The following SACS variants were observed in gnomAD, a reference collection of about 807,000 sequenced individuals.
SACS encodes the protein sacsin molecular chaperone.
In SACS, 197 loss-of-function variants were observed where a neutral mutation model predicts 348.0. That is an observed-to-expected ratio of 0.57 (90% CI 0.50 to 0.64). The LOEUF is 0.64. Among genes scored for constraint, SACS ranks in the 30% least tolerant of loss-of-function variants. The pLI is 0.00. For missense variants in SACS, 4,999 were observed against 5,360.8 expected (o/e 0.93, Z 2.11); for synonymous variants, 1,985 against 1,910.6 (o/e 1.04, Z -1.02).
rs1455719282 is a variant in SACS, at chr13:23,331,460, A to C, written c.12416T>G (p.Leu4139Ter). ...IYRIGEKLDSLGVKYDSSEPS... is the reference protein window; with the variant it reads ...IYRIGEKLDS ...CTCCGAAGAGTCATATTTCACTCCT[A>C]AACTGTCAAGTTTCTCACCAATCCT... Residue 4139 changes from leucine (L) to a stop codon, truncating the protein, a stop_gained, in exon 10 of 10, where the codon TTA becomes TGA. Transcript: ENST00000382292. LOFTEE classifies it high-confidence loss of function. 2.5e-6 allele frequency: 4 copies of C among 1,614,084 alleles called. No individual in the cohort carries two copies. Among genetic ancestry groups the C allele is most frequent in the East Asian group, 2.2e-5 (1 of 44,882 alleles).
intron 1 of SACS, chr13:23,428,617 A>T (rs1874292624): frequency 6.6e-6 from 1 of 152,238 alleles, no homozygotes; most frequent in African/African-American, 2.4e-5. Context: ...GTGAAGGTAA[A>T]GGAGAGTGCT....
intron 2 of SACS, among the ~76,000 whole-genome samples, chr13:23,389,558 C>G (rs1201934672): frequency 1.3e-5 from 2 of 152,158 alleles, no homozygotes; most frequent in African/African-American, 4.8e-5. Context: ...TACATGTGCT[C>G]TACTTGCCAA....
At chr13:23,415,053 ATGGAGTCTCGCTCTGTTGCCTAGGC>A (rs1873644318) in intron 1 of SACS, among the ~76,000 whole-genome samples, 1 of 151,890 alleles carries the variant, frequency 6.6e-6, no homozygotes, top group African/African-American at 2.4e-5. Flanking sequence ...ATTTTTTGAG[ATGGAGTCTCGCTCTGTTGCCTAGGC>A]TGGAGTGCAG....
In SACS at chr13:23,333,145, T is replaced by C. The variant is rs759287298; in HGVS notation, c.10731A>G (p.Thr3577=). The C allele has an allele frequency of 9.9e-6, 16 of 1,612,428 alleles. No homozygotes were observed. The highest frequency in any genetic ancestry group is 8.4e-5 in the Admixed American group (5 of 59,778). The change falls in exon 10 of 10, where the codon ACA becomes ACG. Residue 3577 remains threonine (T), a synonymous_variant. Transcript: ENST00000382292. ...EQLIKPKNHV[T]FMTSWVEFLR... Reference sequence around the variant, plus strand: ...AGAATTCCACCCAGGATGTCATAAATGTAACATGATTTTTGGGTTTTATAA... The same window carrying C: ...AGAATTCCACCCAGGATGTCATAAACGTAACATGATTTTTGGGTTTTATAA...
At chr13:23,419,527 C>A (rs1381460401) in intron 1 of SACS, among the ~76,000 whole-genome samples, 2 of 151,946 alleles carry the variant, frequency 1.3e-5, no homozygotes, top group Admixed American at 1.3e-4. Context: ...GGAAACCGGG[C>A]GTGTTATGTC....
At chr13:23,413,539 C>A (rs76241892) in intron 1 of SACS, among the ~76,000 whole-genome samples, 45 of 152,010 alleles carry the variant, frequency 3.0e-4, no homozygotes, top group Non-Finnish European at 3.7e-4. Context: ...TCTTATTCTG[C>A]GTTTGCTATG....
rs1883600450 is a variant in SACS, at chr13:23,333,116, C to T, written c.10760G>A (p.Arg3587Lys). Residue 3587 changes from arginine to lysine, a missense_variant, in exon 10 of 10, where the codon AGA becomes AAA. Coordinates refer to ENST00000382292, the MANE Select transcript of SACS (RefSeq NM_014363.6). The stretch of plus-strand genomic sequence containing the variant: ...AAGTATGTATTTTAGTCCAATATTT[C>T]TTAAGAATTCCACCCAGGATGTCAT... ...TFMTSWVEFLRNIGLKYILSQ... is the reference protein window; with the variant it reads ...TFMTSWVEFLKNIGLKYILSQ... 1 of 1,613,664 alleles carries T rather than the reference C, an allele frequency of 6.2e-7. No individual in the cohort carries two copies.
At chr13:23,391,652 C>T (rs1872530226) in intron 2 of SACS, among the ~76,000 whole-genome samples, 1 of 152,194 alleles carries the variant, frequency 6.6e-6, no homozygotes, top group African/African-American at 2.4e-5. Context: ...TACTACTTTC[C>T]CCAAGTTCCA....
In SACS at chr13:23,333,435, G is replaced by C. The variant is rs773619084; in HGVS notation, c.10441C>G (p.Leu3481Val). ...GAGAGATTTTCAATTTTTGGTAAGA[G>C]GTGTTTCAAATATACCTCAAGATCA... is the stretch of plus-strand genomic sequence containing the variant. ...VDDLEVYLKHLLPKIENLSYD... is the reference protein window; with the variant it reads ...VDDLEVYLKHVLPKIENLSYD... Residue 3481 changes from leucine to valine, a missense_variant, in exon 10 of 10, where the codon CTC (leucine) becomes GTC (valine). This residue lies in a region of SACS where 734 missense variants were observed against 694.0 expected (regional missense o/e 1.06). Transcript: ENST00000382292. 3 of 1,611,270 alleles carry C rather than the reference G, an allele frequency of 1.9e-6. No homozygotes were observed. Among genetic ancestry groups the C allele is most frequent in the Non-Finnish European group, 2.5e-6 (3 of 1,178,726 alleles).
rs200305087 is a variant in SACS at position 23,331,291 on chromosome 13, T to C, written c.12585A>G (p.Gly4195=). 1.2e-6 allele frequency: 2 copies of C among 1,613,980 alleles called. No homozygotes were observed. Among genetic ancestry groups the C allele is most frequent in the East Asian group, 2.2e-5 (1 of 44,878 alleles). ...LVDAEGGDIY[G]SYQPTYTYAI... ...CATATGTGTATGTTGGCTGGTATGA[T>C]CCATAGATATCACCACCTTCAGCAT... is the stretch of plus-strand genomic sequence containing the variant. Residue 4195 remains glycine (G), a synonymous_variant, in exon 10 of 10, where the codon GGA becomes GGG. Coordinates refer to ENST00000382292, the MANE Select transcript of SACS (RefSeq NM_014363.6).
At chr13:23,424,974 C>T (rs538840096) in intron 1 of SACS, among the ~76,000 whole-genome samples, 5 of 152,310 alleles carry the variant, frequency 3.3e-5, no homozygotes, top group African/African-American at 4.8e-5. Flanking sequence ...TTGGGATGTG[C>T]TTTATTATAT....
chr13:23,387,193 C>T (rs1872324107), intron 2 of SACS, among the ~76,000 whole-genome samples: 1 of 152,034 alleles, frequency 6.6e-6, no homozygotes, highest in Non-Finnish European at 1.5e-5. Flanking sequence ...GGCGCGGTGG[C>T]TCACGCCTGT....
At chr13:23,400,797 C>T (rs1872942795) in intron 2 of SACS, among the ~76,000 whole-genome samples, 1 of 152,170 alleles carries the variant, frequency 6.6e-6, no homozygotes, top group African/African-American at 2.4e-5. Context: ...GTTCAAACCT[C>T]TTGATATTTT....
At chr13:23,396,788 G>C (rs1872728093) in intron 2 of SACS, among the ~76,000 whole-genome samples, 1 of 152,086 alleles carries the variant, frequency 6.6e-6, no homozygotes, top group Non-Finnish European at 1.5e-5. Context: ...TAAGATGATG[G>C]CTAGCTTTGT....
At chr13:23,365,525 T>G (rs1320462555) in intron 5 of SACS, among the ~76,000 whole-genome samples, 1 of 152,216 alleles carries the variant, frequency 6.6e-6, no homozygotes, top group Non-Finnish European at 1.5e-5. Context: ...TGCTATCACT[T>G]AGCAAATTAA....
In SACS at chr13:23,355,408, C is replaced by G. The variant is rs780405381; in HGVS notation, c.1204G>C (p.Gly402Arg). 1.9e-6 allele frequency: 3 copies of G among 1,614,130 alleles called. No homozygotes were observed. The East Asian group carries it at 6.7e-5, about 36-fold the overall frequency. Residue 402 changes from glycine to arginine, a missense_variant, in exon 8 of 10, where the codon GGG becomes CGG. By Grantham distance (125) the Gly-to-Arg change is moderately radical. Coordinates refer to ENST00000382292, the MANE Select transcript of SACS (RefSeq NM_014363.6). ...WLVCNSVGGRGISSKLDSLAD... is the reference protein window; with the variant it reads ...WLVCNSVGGRRISSKLDSLAD... ...AAAGAGTCAAGCTTACTACTGATCC[C>G]TCGCCCACCCACACTGTTACACACC...
At chr13:23,347,262 CAATT>C (rs1869667546) in intron 9 of SACS, among the ~76,000 whole-genome samples, 1 of 151,900 alleles carries the variant, frequency 6.6e-6, no homozygotes, top group African/African-American at 2.4e-5. Context: ...ACAAAGTGTA[CAATT>C]AATTCCAACT....
At position 23,339,357 on chromosome 13, in the gene SACS, C is replaced by G. The variant is rs756229488; in HGVS notation, c.4519G>C (p.Glu1507Gln). 2.1e-5 allele frequency: 34 copies of G among 1,613,308 alleles called. No individual in the cohort carries two copies. The highest frequency in any genetic ancestry group is 2.7e-5 in the African/African-American group (2 of 74,910). The change falls in exon 10 of 10, where the codon GAG (glutamate) becomes CAG (glutamine). Residue 1507 changes from glutamate (E) to glutamine (Q), a missense_variant. Coordinates refer to ENST00000382292, the MANE Select transcript of SACS (RefSeq NM_014363.6). Reference protein sequence around the residue: ...IDMRRNMDIRENLLDPGMAAC... With the variant: ...IDMRRNMDIRQNLLDPGMAAC... ...GCCATCCCTGGGTCTAGGAGATTCT[C>G]TCTTATGTCCATATTTCTTCTCATA...
At chr13:23,404,100 G>T (rs991923948) in intron 2 of SACS, among the ~76,000 whole-genome samples, 1 of 152,184 alleles carries the variant, frequency 6.6e-6, no homozygotes, top group Admixed American at 6.5e-5. Flanking sequence ...TTGCACTGTG[G>T]TCTGAAAGAC....
Sources: gnomAD v4.1 joint callset for allele counts (sites outside exome capture counted in the v4.1 genomes callset) on GRCh38, gnomAD v4.1.1 for gene constraint, gnomAD v4.1.1 regional missense constraint, MANE v1.5 for transcripts, NCBI Gene and HGNC (gene_info 2026-07-23, HGNC 2026-07-21) for gene names.